RHOJ: variants seen among roughly 807,000 people sequenced by gnomAD.
The protein encoded by RHOJ is ras homolog family member J, also known as rho-related GTP-binding protein RhoJ.
A neutral mutation model predicts 23.4 loss-of-function variants in RHOJ; 11 were observed. That is an observed-to-expected ratio of 0.47 (90% CI 0.30 to 0.78). RHOJ has a LOEUF of 0.78. RHOJ is among the 30% of genes least tolerant of loss of function. The pLI, the probability that RHOJ is intolerant of heterozygous loss-of-function variation, is 0.08. For missense variants in RHOJ, 254 were observed against 273.4 expected (o/e 0.93, Z 0.50); for synonymous variants, 102 against 102.7 (o/e 0.99, Z 0.04).
intron 1 of RHOJ, among the ~76,000 whole-genome samples, chr14:63,243,176 T>C (rs1894914630): frequency 6.6e-6 from 1 of 152,220 alleles, no homozygotes; most frequent in African/African-American, 2.4e-5. Flanking sequence ...GAACAAGCTC[T>C]TTTAAAAGCC....
In RHOJ at chr14:63,281,090, CA is replaced by C; in HGVS notation, c.359del (p.Lys120ArgfsTer12). On this transcript the variant is annotated frameshift_variant, in exon 3 of 5. Transcript: ENST00000316754. LOFTEE classifies it high-confidence loss of function. The part of the protein sequence containing the change: ...NVQEEWVPEL[K>X]DCMPHVPYVL... ...TCCAGGAGGAATGGGTCCCCGAGCT[CA>C]AGGACTGCATGCCTCACGTGCCTTA... The C allele has an allele frequency of 6.2e-7, 1 of 1,614,064 alleles. No homozygotes were observed. The highest frequency in any genetic ancestry group is 8.5e-7 in the Non-Finnish European group (1 of 1,179,968).
chr14:63,249,332 G>C (rs1413244320), intron 1 of RHOJ, among the ~76,000 whole-genome samples: 1 of 152,198 alleles, frequency 6.6e-6, no homozygotes, highest in African/African-American at 2.4e-5. Context: ...GCAACAGGAT[G>C]CAGTCCAAGT....
At chr14:63,207,982 A>G (rs1894151031) in intron 1 of RHOJ, among the ~76,000 whole-genome samples, 1 of 152,232 alleles carries the variant, frequency 6.6e-6, no homozygotes, top group African/African-American at 2.4e-5. Context: ...TAAAGACTAC[A>G]AGAAGGAAAA....
intron 1 of RHOJ, among the ~76,000 whole-genome samples, chr14:63,240,187 C>G (rs1209064626): frequency 6.6e-6 from 1 of 152,050 alleles, no homozygotes; most frequent in African/African-American, 2.4e-5. Flanking sequence ...CGTGGTGAAA[C>G]AAAAATATTA....
intron 1 of RHOJ, among the ~76,000 whole-genome samples, chr14:63,214,650 G>A (rs67466036): frequency 0.16 from 23,838 of 152,076 alleles, 2,549 homozygotes; most frequent in African/African-American, 0.3. Context: ...GAATACAGAA[G>A]GCTAAGAACA....
At chr14:63,228,133 G>A (rs921444270) in intron 1 of RHOJ, among the ~76,000 whole-genome samples, 2 of 152,196 alleles carry the variant, frequency 1.3e-5, no homozygotes, top group African/African-American at 4.8e-5. Flanking sequence ...AGCACTGGAA[G>A]AATAACTTGC....
At chr14:63,234,060 C>T (rs531986146) in intron 1 of RHOJ, among the ~76,000 whole-genome samples, 5 of 152,220 alleles carry the variant, frequency 3.3e-5, no homozygotes, top group Non-Finnish European at 7.3e-5. Flanking sequence ...GTGCAAGCCA[C>T]CTGGTGTGTA....
chr14:63,211,687 G>A (rs1355348698), intron 1 of RHOJ, among the ~76,000 whole-genome samples: 2 of 152,054 alleles, frequency 1.3e-5, no homozygotes, highest in Admixed American at 1.3e-4. Context: ...TCACTCTGTT[G>A]TGCTACTGAA....
chr14:63,264,867 T>C lies in RHOJ; in HGVS notation c.179-4243T>C, dbSNP rs532913264. ...ATGTCTTTATTAAAAAGTTTTTTGG[T>C]TTTTGCTTCTTGAATTAAATTCCTT... On this transcript the variant is annotated intron_variant, in intron 1 of 4. Coordinates refer to ENST00000316754, the MANE Select transcript of RHOJ (RefSeq NM_020663.5). Among the ~76,000 whole-genome samples the C allele has an allele frequency of 8.5e-5, 13 of 152,286 alleles. No homozygotes were observed. In the South Asian group the frequency reaches 1.7e-3, roughly 19 times the overall value.
At chr14:63,232,576 A>C (rs1381436457) in intron 1 of RHOJ, among the ~76,000 whole-genome samples, 1 of 152,236 alleles carries the variant, frequency 6.6e-6, no homozygotes, top group African/African-American at 2.4e-5. Context: ...TAGTTGGTTT[A>C]AATTAAGTCA....
intron 1 of RHOJ, among the ~76,000 whole-genome samples, chr14:63,234,331 G>A (rs965193299): frequency 3.3e-5 from 5 of 152,088 alleles, no homozygotes; most frequent in Admixed American, 6.5e-5. Flanking sequence ...CTGCTCCTCC[G>A]ACTAAACTAC....
At chr14:63,241,724 C>T (rs998159908) in intron 1 of RHOJ, among the ~76,000 whole-genome samples, 4 of 152,130 alleles carry the variant, frequency 2.6e-5, no homozygotes, top group African/African-American at 7.2e-5. Flanking sequence ...TATCTGAAGG[C>T]GCAAAGCCCC....
intron 1 of RHOJ, among the ~76,000 whole-genome samples, chr14:63,230,692 T>TAC (rs58916971): frequency 0.033 from 4,941 of 148,816 alleles, 129 homozygotes; most frequent in African/African-American, 0.075. Flanking sequence ...CACACATATG[T>TAC]ACACACACAC....
Position 63,291,886 on chromosome 14 carries a change from G to C in RHOJ, c.*862G>C, listed in dbSNP as rs147126209. ...TTTTCATCCAAGTTGATTGGGGGAA[G>C]AATATGGCAGGATCCATCTTTTACA... On this transcript the variant is annotated 3_prime_UTR_variant, in exon 5 of 5. Coordinates refer to ENST00000316754, the MANE Select transcript of RHOJ (RefSeq NM_020663.5). 8.3e-4 allele frequency: 127 copies of C among 152,670 alleles called. No homozygotes were observed. Among genetic ancestry groups the C allele is most frequent in the African/African-American group, 3.0e-3 (124 of 41,558 alleles). 9.5% of individuals were successfully genotyped at this position (152,670 alleles called of 1,614,324 possible). A position where few individuals can be genotyped will look rare whatever the true frequency, so the allele number is the denominator to read the frequency against.
intron 1 of RHOJ, among the ~76,000 whole-genome samples, chr14:63,222,728 C>T (rs1215049295): frequency 1.3e-5 from 2 of 152,048 alleles, no homozygotes; most frequent in Non-Finnish European, 2.9e-5. Flanking sequence ...GATATTAGCC[C>T]TTTGTCAGAT....
intron 1 of RHOJ, among the ~76,000 whole-genome samples, chr14:63,239,207 A>G (rs1049529666): frequency 2.6e-5 from 4 of 152,064 alleles, no homozygotes; most frequent in African/African-American, 9.7e-5. Flanking sequence ...CGCCTCCCAG[A>G]TTCAAGCGAT....
At chr14:63,273,971 A>T (rs1221056058) in intron 2 of RHOJ, among the ~76,000 whole-genome samples, 1 of 152,168 alleles carries the variant, frequency 6.6e-6, no homozygotes, top group East Asian at 1.9e-4. Context: ...TGTCTGTGGG[A>T]GTAGAGAAGC....
At position 63,291,646 on chromosome 14, in the gene RHOJ, C is replaced by T. The variant is rs78985119; in HGVS notation, c.*622C>T. 0.048 allele frequency: 7,469 copies of T among 155,310 alleles called. 606 individuals carry two copies. The highest frequency in any genetic ancestry group is 0.17 in the African/African-American group (7,081 of 41,428). The allele number at this position is 155,310 out of a possible 1,614,324, so 9.6% of individuals were successfully genotyped here. A position where few individuals can be genotyped will look rare whatever the true frequency, so the allele number is the denominator to read the frequency against. On this transcript the variant is annotated 3_prime_UTR_variant, in exon 5 of 5. Coordinates refer to ENST00000316754, the MANE Select transcript of RHOJ (RefSeq NM_020663.5). The stretch of plus-strand genomic sequence containing the variant: ...GAACCAACACGTACCTCTGAATGCC[C>T]GATTATAAGAAGACATGAGAAGACT...
intron 1 of RHOJ, among the ~76,000 whole-genome samples, chr14:63,257,543 G>A (rs1895192400): frequency 6.7e-6 from 1 of 150,222 alleles, no homozygotes; most frequent in Admixed American, 6.6e-5. Flanking sequence ...GGCCCGAACA[G>A]CCTAGGAAAC....
Sources: allele counts gnomAD v4.1 joint callset (sites outside exome capture counted in the v4.1 genomes callset), GRCh38; gene constraint gnomAD v4.1.1; transcripts MANE v1.5; gene names NCBI Gene and HGNC (gene_info 2026-07-23, HGNC 2026-07-21).